Variants in TRPC1 observed in about 807,000 individuals in gnomAD.
TRPC1 encodes transient receptor potential cation channel subfamily C member 1.
A neutral mutation model predicts 88.2 loss-of-function variants in TRPC1; 42 were observed. That is an observed-to-expected ratio of 0.48 (90% CI 0.37 to 0.62). The LOEUF (loss-of-function observed/expected upper bound fraction) is 0.62. Among genes scored for constraint, TRPC1 ranks in the 20% least tolerant of loss-of-function variants. The probability of loss-of-function intolerance (pLI) is 0.00; values close to 1 mark genes in which losing one functional copy is unlikely to be tolerated. For missense variants in TRPC1, 699 were observed against 957.3 expected, an observed-to-expected ratio of 0.73 and a Z score of 3.56; for synonymous variants, 288 against 331.8, an observed-to-expected ratio of 0.87 and a Z score of 1.43.
chr3:142,800,225 T>G (rs1406019241), intron 9 of TRPC1, among the ~76,000 whole-genome samples: 1 of 152,140 alleles, frequency 6.6e-6, no homozygotes, highest in African/African-American at 2.4e-5. Context: ...ATTTTGAGTT[T>G]TCTGATTCTA....
At chr3:142,736,581 A>G in intron 2 of TRPC1, 48 bp downstream of exon 2, 2 of 1,462,224 alleles carry the variant, frequency 1.4e-6, no homozygotes, top group Non-Finnish European at 9.1e-7. Flanking sequence ...GTGCTGTTAG[A>G]TATGCCATGC....
chr3:142,734,181 T>A (rs1934036907), intron 1 of TRPC1, among the ~76,000 whole-genome samples: 1 of 152,186 alleles, frequency 6.6e-6, no homozygotes, highest in Non-Finnish European at 1.5e-5. Context: ...CCTCTTGTTG[T>A]CTTGGGGTTC....
chr3:142,772,768 C>T (rs887718102), intron 4 of TRPC1, among the ~76,000 whole-genome samples: 5 of 152,082 alleles, frequency 3.3e-5, no homozygotes, highest in Admixed American at 2.6e-4. Flanking sequence ...GCCTGGGTGA[C>T]AGAGTGAGAC....
intron 9 of TRPC1, among the ~76,000 whole-genome samples, chr3:142,799,337 A>T (rs1936542638): frequency 6.6e-6 from 1 of 152,184 alleles, no homozygotes; most frequent in Non-Finnish European, 1.5e-5. Context: ...AGAAAGCATT[A>T]TTACTTTTAC....
intron 10 of TRPC1, 113 bp from the exon 11 acceptor site, chr3:142,803,864 A>C (rs921576305): frequency 1.8e-6 from 2 of 1,094,596 alleles, no homozygotes; most frequent in African/African-American, 3.2e-5. Context: ...TTAAATAAGG[A>C]ACTTTTCATG....
intron 7 of TRPC1, among the ~76,000 whole-genome samples, chr3:142,787,790 G>T (rs1366202320): frequency 6.6e-6 from 1 of 152,208 alleles, no homozygotes; most frequent in Non-Finnish European, 1.5e-5. Flanking sequence ...AGGAGAGTAA[G>T]CATATTATAG....
intron 4 of TRPC1, among the ~76,000 whole-genome samples, chr3:142,752,334 T>C (rs1934795811): frequency 6.6e-6 from 1 of 152,282 alleles, no homozygotes; most frequent in South Asian, 2.1e-4. Context: ...TATATCATGA[T>C]TAAGTTCAAG....
chr3:142,752,469 G>T (rs1934802909), intron 4 of TRPC1, among the ~76,000 whole-genome samples: 1 of 152,214 alleles, frequency 6.6e-6, no homozygotes, highest in Non-Finnish European at 1.5e-5. Flanking sequence ...CCGCCACAGG[G>T]CAGCTTTTCT....
intron 4 of TRPC1, among the ~76,000 whole-genome samples, chr3:142,756,269 T>G (rs748309225): frequency 1.3e-5 from 2 of 152,184 alleles, no homozygotes; most frequent in African/African-American, 2.4e-5. Flanking sequence ...GAATGGAATT[T>G]CTGGGTGTGT....
At chr3:142,752,714 C>T (rs1281674765) in intron 4 of TRPC1, among the ~76,000 whole-genome samples, 1 of 152,200 alleles carries the variant, frequency 6.6e-6, no homozygotes, top group Admixed American at 6.5e-5. Context: ...TTGGACAATA[C>T]CCTGCTTTCA....
Position 142,806,295 on chromosome 3 carries a change from A to T in TRPC1, c.*60A>T. 1 of 1,275,600 alleles carries T rather than the reference A, an allele frequency of 7.8e-7. No individual in the cohort carries two copies. The highest frequency in any genetic ancestry group is 2.4e-5 in the East Asian group (1 of 41,328). The allele number at this position is 1,275,600 out of a possible 1,614,324, so 79.0% of individuals were successfully genotyped here. On this transcript the variant is annotated 3_prime_UTR_variant, in exon 13 of 13. Coordinates refer to ENST00000476941, the MANE Select transcript of TRPC1 (RefSeq NM_001251845.2). ...TAACAGATCCAAAAGACTATATTGC[A>T]TAACTTGCAATGAAATTAATGAGAT...
At chr3:142,772,483 A>G (rs1170881514) in intron 4 of TRPC1, among the ~76,000 whole-genome samples, 2 of 152,152 alleles carry the variant, frequency 1.3e-5, no homozygotes, top group Non-Finnish European at 2.9e-5. Context: ...ATAATGAGGT[A>G]CCACAAAGTA....
chr3:142,741,568 T>A (rs1456458188), intron 2 of TRPC1, among the ~76,000 whole-genome samples: 1 of 152,232 alleles, frequency 6.6e-6, no homozygotes, highest in Non-Finnish European at 1.5e-5. Flanking sequence ...TTTTCAGTAG[T>A]CAACTTTTAG....
At position 142,771,541 on chromosome 3, in the gene TRPC1, C is replaced by T. The variant is rs112022773; in HGVS notation, c.633-6091C>T. ...TGTTACTCCTATACATCTGTATTTC[C>T]TTTCTCGTAATGATATTTTTGTTAT... is the stretch of plus-strand genomic sequence containing the variant. On this transcript the variant is annotated intron_variant, in intron 4 of 12. Transcript: ENST00000476941. Among the ~76,000 whole-genome samples the T allele has an allele frequency of 2.1e-3, 327 of 152,248 alleles. 3 individuals carry two copies. The highest frequency in any genetic ancestry group is 7.2e-3 in the African/African-American group (298 of 41,540).
At chr3:142,725,009 C>G (rs1461561567) in intron 1 of TRPC1, among the ~76,000 whole-genome samples, 1 of 152,176 alleles carries the variant, frequency 6.6e-6, no homozygotes, top group Non-Finnish European at 1.5e-5. Flanking sequence ...TTGGGAGCCC[C>G]GACCCCAGCG....
chr3:142,774,583 G>A (rs1935690950), intron 4 of TRPC1, among the ~76,000 whole-genome samples: 1 of 152,198 alleles, frequency 6.6e-6, no homozygotes, highest in Non-Finnish European at 1.5e-5. Flanking sequence ...CAGGGGTGAT[G>A]GAGGCAGTTC....
At chr3:142,742,407 T>C (rs1934385980) in intron 2 of TRPC1, among the ~76,000 whole-genome samples, 2 of 152,130 alleles carry the variant, frequency 1.3e-5, no homozygotes, top group Admixed American at 6.5e-5. Context: ...TGGGAAAACA[T>C]AGGTGATTCC....
intron 2 of TRPC1, among the ~76,000 whole-genome samples, chr3:142,737,336 ATGTATG>A (rs1159416289): frequency 5.6e-5 from 7 of 125,228 alleles, no homozygotes; most frequent in African/African-American, 1.7e-4. Context: ...ATATATATAT[ATGTATG>A]TATGTATGTA....
chr3:142,771,423 G>A lies in TRPC1; in HGVS notation c.633-6209G>A, dbSNP rs982448761. Among the ~76,000 whole-genome samples the A allele has an allele frequency of 2.6e-5, 4 of 151,962 alleles. No homozygotes were observed. In the East Asian group the frequency reaches 7.7e-4, roughly 29 times the overall value. ...ACTCCTGGACTCAAGCAGTCCCCCC[G>A]CCAGCCTTCCAAAGTGCTAGGATTA... On this transcript the variant is annotated intron_variant, in intron 4 of 12. Transcript: ENST00000476941.
Sources: allele counts gnomAD v4.1 joint callset (sites outside exome capture counted in the v4.1 genomes callset), GRCh38; gene constraint gnomAD v4.1.1; transcripts MANE v1.5; gene names NCBI Gene and HGNC (gene_info 2026-07-23, HGNC 2026-07-21).